IYD: variants seen among roughly 807,000 people sequenced by gnomAD.
IYD encodes the protein iodotyrosine deiodinase 1.
In IYD, 25 loss-of-function variants were observed where a neutral mutation model predicts 28.4. That is an observed-to-expected ratio of 0.88 (90% confidence interval 0.64 to 1.23). The LOEUF (loss-of-function observed/expected upper bound fraction) is 1.23. Ranked by LOEUF, IYD falls within the 50% of genes most tolerant of loss-of-function variation. The pLI is 0.00. For missense variants in IYD, 352 were observed against 357.9 expected (o/e 0.98, Z 0.13); for synonymous variants, 140 against 130.8 (o/e 1.07, Z -0.48).
At chr6:150,369,481 C>T (rs777918144) in intron 1 of IYD, among the ~76,000 whole-genome samples, 13 of 152,154 alleles carry the variant, frequency 8.5e-5, no homozygotes, top group Non-Finnish European at 1.5e-4. Flanking sequence ...CAATTCTGTT[C>T]TGGTTGTTAA....
chr6:150,395,927 G>C (rs1246118206), intron 4 of IYD: 5 of 486,308 alleles, frequency 1.0e-5, no homozygotes, highest in African/African-American at 5.8e-5. Context: ...CCTATCAACG[G>C]GCATCAGCAT....
At chr6:150,374,155 G>A (rs1777363709) in intron 1 of IYD, among the ~76,000 whole-genome samples, 1 of 152,236 alleles carries the variant, frequency 6.6e-6, no homozygotes, top group Non-Finnish European at 1.5e-5. Flanking sequence ...CTAGGTTCAT[G>A]GCTGAGGCCC....
intron 1 of IYD, among the ~76,000 whole-genome samples, chr6:150,380,881 A>T (rs1777622802): frequency 6.6e-6 from 1 of 151,988 alleles, no homozygotes; most frequent in Non-Finnish European, 1.5e-5. Context: ...CCCCTCCCCA[A>T]ACTCTGTTCC....
intron 1 of IYD, among the ~76,000 whole-genome samples, chr6:150,380,564 G>A (rs576179596): frequency 6.6e-6 from 1 of 152,058 alleles, no homozygotes; most frequent in Admixed American, 6.5e-5. Flanking sequence ...TTTAAAAAAG[G>A]CTGAATCCTC....
At position 150,400,998 on chromosome 6, in the gene IYD, C is replaced by A. The variant is rs1778494115; in HGVS notation, c.*2761C>A. Reference sequence around the variant, plus strand: ...CCTGCTGAAGTACTGAGAGATGAAGCATCATATTGACAACTTACTCCAGGA... The same window carrying A: ...CCTGCTGAAGTACTGAGAGATGAAGAATCATATTGACAACTTACTCCAGGA... On this transcript the variant is annotated 3_prime_UTR_variant, in exon 5 of 5. Transcript: ENST00000344419. 1 of 152,112 alleles carries A rather than the reference C, an allele frequency of 6.6e-6. No individual in the cohort carries two copies. The highest frequency in any genetic ancestry group is 1.5e-5 in the Non-Finnish European group (1 of 68,034). 9.4% of individuals were successfully genotyped at this position (152,112 alleles called of 1,614,324 possible).
chr6:150,393,589 G>T (rs1778202871), intron 3 of IYD, among the ~76,000 whole-genome samples: 1 of 152,200 alleles, frequency 6.6e-6, no homozygotes. Context: ...GACTATCTGT[G>T]CTAGAATAAA....
chr6:150,385,774 T>C (rs1366825324), intron 1 of IYD, among the ~76,000 whole-genome samples: 1 of 152,026 alleles, frequency 6.6e-6, no homozygotes, highest in Admixed American at 6.6e-5. Context: ...GCTTTCTCTT[T>C]TAGGAAAATC....
chr6:150,383,045 A>G (rs1416397212), intron 1 of IYD, among the ~76,000 whole-genome samples: 1 of 152,182 alleles, frequency 6.6e-6, no homozygotes, highest in East Asian at 1.9e-4. Flanking sequence ...AAGTACTTAT[A>G]AAAACTTTGT....
chr6:150,371,315 G>A (rs980510363), intron 1 of IYD, among the ~76,000 whole-genome samples: 8 of 152,222 alleles, frequency 5.3e-5, no homozygotes, highest in African/African-American at 1.4e-4. Context: ...GGCCCCAATA[G>A]GGTAAGCTCA....
At position 150,405,175 on chromosome 6, in the gene IYD, T is replaced by A. The variant is rs1778610603; in HGVS notation, c.*6938T>A. On this transcript the variant is annotated 3_prime_UTR_variant, in exon 5 of 5. Coordinates refer to ENST00000344419, the MANE Select transcript of IYD (RefSeq NM_203395.3). ...GGTAAATGTGGCAAGTATTCTCAAG[T>A]GAGCTCATCAGTCCCAGGGCTGTTA... 1.3e-5 allele frequency: 2 copies of A among 152,210 alleles called. No individual in the cohort carries two copies. The highest frequency in any genetic ancestry group is 1.3e-4 in the Admixed American group (2 of 15,282). The allele number at this position is 152,210 out of a possible 1,614,324, so 9.4% of individuals were successfully genotyped here. A position where few individuals can be genotyped will look rare whatever the true frequency, so the allele number is the denominator to read the frequency against.
chr6:150,391,073 C>T (rs1291485356), intron 2 of IYD, among the ~76,000 whole-genome samples: 1 of 151,966 alleles, frequency 6.6e-6, no homozygotes, highest in African/African-American at 2.4e-5. Context: ...CCCGTCTCTA[C>T]TAAGTGTAGA....
intron 1 of IYD, among the ~76,000 whole-genome samples, chr6:150,378,285 C>A (rs1017010632): frequency 6.0e-5 from 9 of 149,420 alleles, no homozygotes; most frequent in Non-Finnish European, 1.3e-4. Context: ...CCCATTAACT[C>A]GTCATTTAGC....
intron 1 of IYD, among the ~76,000 whole-genome samples, chr6:150,377,413 C>T (rs778482779): frequency 6.6e-6 from 1 of 152,170 alleles, no homozygotes; most frequent in Non-Finnish European, 1.5e-5. Context: ...CCCAGCCCTG[C>T]TAGTCTCATT....
At position 150,398,287 on chromosome 6, in the gene IYD, T is replaced by C. The variant is rs775280647; in HGVS notation, c.*50T>C. The C allele has an allele frequency of 6.3e-7, 1 of 1,576,622 alleles. No homozygotes were observed. The highest frequency in any genetic ancestry group is 8.7e-7 in the Non-Finnish European group (1 of 1,147,720). ...GGGAGATGGCGCCCCTGCTTTTCCC[T>C]GAGCCTCTCGCCTGCTCCTCTTGGG... On this transcript the variant is annotated 3_prime_UTR_variant, in exon 5 of 5. Transcript: ENST00000344419.
At chr6:150,383,195 G>C (rs989589731) in intron 1 of IYD, among the ~76,000 whole-genome samples, 1 of 152,132 alleles carries the variant, frequency 6.6e-6, no homozygotes, top group South Asian at 2.1e-4. Context: ...ATTATCTTAG[G>C]CTGCAAGCAC....
intron 1 of IYD, chr6:150,384,764 G>A (rs189133177): frequency 1.4e-4 from 21 of 152,294 alleles, no homozygotes; most frequent in Non-Finnish European, 2.5e-4. Flanking sequence ...TTGGAATGTA[G>A]TATCTGGGAA....
chr6:150,371,346 G>T (rs1253245106), intron 1 of IYD, among the ~76,000 whole-genome samples: 2 of 152,202 alleles, frequency 1.3e-5, no homozygotes, highest in Non-Finnish European at 2.9e-5. Flanking sequence ...TGCAGAGATA[G>T]GACCCAAGCC....
intron 1 of IYD, chr6:150,370,449 A>C (rs753395578): frequency 1.4e-5 from 14 of 979,520 alleles, no homozygotes; most frequent in Non-Finnish European, 1.7e-5. Context: ...GAGTGTGTGC[A>C]TGAGTGTGTG....
chr6:150,389,974 G>A (rs1310412444), intron 2 of IYD, among the ~76,000 whole-genome samples: 4 of 151,984 alleles, frequency 2.6e-5, no homozygotes, highest in Non-Finnish European at 5.9e-5. Context: ...TGATGCTGTA[G>A]TACAGTATTC....
Sources: allele counts gnomAD v4.1 joint callset (sites outside exome capture counted in the v4.1 genomes callset), GRCh38; gene constraint gnomAD v4.1.1; transcripts MANE v1.5; gene names NCBI Gene and HGNC (gene_info 2026-07-23, HGNC 2026-07-21).